Variants in HEPH observed in about 807,000 individuals in gnomAD.
HEPH encodes hephaestin.
A neutral mutation model predicts 80.8 loss-of-function variants in HEPH; 69 were observed. The ratio of observed to expected loss-of-function variants is 0.85; its 90% CI spans 0.70 to 1.04. The LOEUF (loss-of-function observed/expected upper bound fraction) is 1.04. HEPH is among the 50% of genes least tolerant of loss of function. HEPH has a pLI of 0.00. For synonymous variants in HEPH, 431 were observed against 322.8 expected (o/e 1.34, Z -3.60); for missense variants, 1,115 against 891.3 (o/e 1.25, Z -3.20).
At chrX:66,202,110 C>T (rs1027919064) in intron 12 of HEPH, among the ~76,000 whole-genome samples, 4 of 111,469 alleles carry the variant, frequency 3.6e-5, no homozygotes, top group Non-Finnish European at 5.7e-5. Flanking sequence ...TCAGGGAGGG[C>T]TTTCTGGAAA....
chrX:66,210,103 T>C (rs986786090), intron 15 of HEPH, among the ~76,000 whole-genome samples: 2 of 110,927 alleles, frequency 1.8e-5, no homozygotes, highest in Non-Finnish European at 3.8e-5. Flanking sequence ...TTAAGGGAGG[T>C]ACCGATTGAA....
At chrX:66,222,894 C>T (rs190436420) in intron 15 of HEPH, among the ~76,000 whole-genome samples, 179 of 111,767 alleles carry the variant, frequency 1.6e-3, no homozygotes, top group Non-Finnish European at 2.4e-3. Flanking sequence ...AGCAATAGAA[C>T]GAGGAAAGAA....
intron 9 of HEPH, among the ~76,000 whole-genome samples, chrX:66,196,485 T>C (rs2088107915): frequency 1.8e-5 from 2 of 112,286 alleles, no homozygotes; most frequent in Non-Finnish European, 1.9e-5. Context: ...TTATAAGCTA[T>C]ACTAGAAATA....
downstream of HEPH, chrX:66,267,644 A>AGTC (rs1487750658): frequency 1.8e-5 from 2 of 111,691 alleles, no homozygotes; most frequent in Non-Finnish European, 3.8e-5. Flanking sequence ...GGGAAATAGA[A>AGTC]GTCTGAGACG....
intron 5 of HEPH, 66 bp downstream of exon 5, chrX:66,188,607 G>C: frequency 1.1e-6 from 1 of 942,589 alleles, no homozygotes; most frequent in Admixed American, 2.6e-5. Context: ...ACTGGGCCTA[G>C]TATTTGGTGG....
At chrX:66,162,687 C>A, upstream of HEPH, 1 of 1,144,533 alleles carries the variant, frequency 8.7e-7, no homozygotes. Context: ...CATGGGGCAG[C>A]GCCTAAGTGT....
At chrX:66,245,090 G>A (rs1435268918) in intron 15 of HEPH, among the ~76,000 whole-genome samples, 9 of 111,228 alleles carry the variant, frequency 8.1e-5, no homozygotes, top group African/African-American at 2.9e-4. Context: ...AAAATAACCA[G>A]CTAACATCAT....
At chrX:66,176,936 G>A (rs911355975) in intron 4 of HEPH, among the ~76,000 whole-genome samples, 8 of 111,388 alleles carry the variant, frequency 7.2e-5, no homozygotes, top group Non-Finnish European at 1.5e-4. Context: ...AACACCAAAA[G>A]CAATGGCAAC....
intron 15 of HEPH, among the ~76,000 whole-genome samples, chrX:66,246,236 T>C (rs1436060462): frequency 9.0e-6 from 1 of 111,711 alleles, no homozygotes; most frequent in African/African-American, 3.3e-5. Context: ...GTGAGACTGT[T>C]GGGTTAGAAA....
intron 9 of HEPH, among the ~76,000 whole-genome samples, chrX:66,196,022 T>A (rs2088072081): frequency 8.9e-6 from 1 of 111,732 alleles, no homozygotes; most frequent in Non-Finnish European, 1.9e-5. Flanking sequence ...AAGAAGTCAA[T>A]ACCATCAATA....
intron 17 of HEPH, among the ~76,000 whole-genome samples, chrX:66,257,188 G>A (rs923608082): frequency 6.2e-5 from 7 of 112,182 alleles, no homozygotes; most frequent in Non-Finnish European, 3.8e-5. Context: ...TCACAAGGCA[G>A]AAATTTTAGC....
rs191138858 is a variant in HEPH at position 66,172,615 on chromosome X, G to A, written c.412+16G>A. On this transcript the variant is annotated intron_variant, in intron 3 of 20. Transcript: ENST00000343002. Reference sequence around the variant, plus strand: ...GACTCTGAAGGTAAACCATTCCACCGTTTCTTTCCCCCATGCCCAACAAAT... The same window carrying A: ...GACTCTGAAGGTAAACCATTCCACCATTTCTTTCCCCCATGCCCAACAAAT... 1.2e-5 allele frequency: 13 copies of A among 1,116,583 alleles called. No individual in the cohort carries two copies. The highest frequency in any genetic ancestry group is 5.1e-5 in the South Asian group (2 of 39,458). The allele number at this position is 1,116,583 out of a possible 1,213,427, so 92.0% of individuals were successfully genotyped here.
intron 15 of HEPH, among the ~76,000 whole-genome samples, chrX:66,245,555 A>C (rs1431276747): frequency 9.0e-6 from 1 of 111,424 alleles, no homozygotes; most frequent in African/African-American, 3.3e-5. Flanking sequence ...CCCACTGTCA[A>C]CATTAGACAG....
At chrX:66,246,997 T>C (rs992268428) in intron 15 of HEPH, among the ~76,000 whole-genome samples, 5 of 112,202 alleles carry the variant, frequency 4.5e-5, no homozygotes, top group African/African-American at 1.6e-4. Context: ...AATATGTCAG[T>C]TAACTTATTT....
rs146660094 is a variant in HEPH, at chrX:66,221,685, C to T, written c.2563+13439C>T. On this transcript the variant is annotated intron_variant, in intron 15 of 20. Coordinates refer to ENST00000343002, the MANE Select transcript of HEPH (RefSeq NM_001367233.3). ...ATACATAGGGTGTAAAGGGTTTTGT[C>T]GGGTCAAATAGCCCCAGGGCTCGGG... Among the ~76,000 whole-genome samples the T allele has an allele frequency of 9.1e-3, 1,027 of 112,617 alleles. 8 individuals carry two copies. Among genetic ancestry groups the T allele is most frequent in the African/African-American group, 0.031 (971 of 30,979 alleles).
intron 15 of HEPH, among the ~76,000 whole-genome samples, chrX:66,224,425 T>A (rs2147956108): frequency 9.0e-6 from 1 of 111,492 alleles, no homozygotes; most frequent in Admixed American, 9.5e-5. Flanking sequence ...TAATTAAGAT[T>A]TAGTTCCCCT....
intron 3 of HEPH, among the ~76,000 whole-genome samples, 188 bp from the exon 4 acceptor site, chrX:66,173,400 AT>A (rs912073567): frequency 4.5e-5 from 5 of 111,846 alleles, no homozygotes; most frequent in African/African-American, 1.6e-4. Context: ...TGAGGACTGG[AT>A]TTTTTAGGTT....
At chrX:66,231,163 T>C (rs1392607310) in intron 15 of HEPH, among the ~76,000 whole-genome samples, 2 of 110,141 alleles carry the variant, frequency 1.8e-5, no homozygotes, top group Non-Finnish European at 3.8e-5. Flanking sequence ...AGTACCATGC[T>C]GTTTTGGTTA....
At chrX:66,203,308 C>A in intron 12 of HEPH, 56 bp from the exon 13 acceptor site, 1 of 1,062,901 alleles carries the variant, frequency 9.4e-7, no homozygotes, top group East Asian at 3.0e-5. Context: ...AGGAAATCCC[C>A]CAGGCACTAC....
Sources: allele counts gnomAD v4.1 joint callset (sites outside exome capture counted in the v4.1 genomes callset), GRCh38; gene constraint gnomAD v4.1.1; transcripts MANE v1.5; gene names NCBI Gene and HGNC (gene_info 2026-07-23, HGNC 2026-07-21).